KNSTRN: variants seen among roughly 807,000 people sequenced by gnomAD.
KNSTRN encodes the protein kinetochore localized astrin (SPAG5) binding protein.
Under a neutral mutation model 44.7 loss-of-function variants are expected in KNSTRN, and 38 were observed. The observed-to-expected ratio is 0.85, with a 90% CI of 0.66 to 1.11. KNSTRN has a LOEUF of 1.11. Among genes scored for constraint, KNSTRN ranks in the 50% most tolerant of loss-of-function variants. KNSTRN has a pLI of 0.00. For missense variants in KNSTRN, 406 were observed against 375.8 expected, an observed-to-expected ratio of 1.08 and a Z score of -0.66; for synonymous variants, 158 against 148.1, an observed-to-expected ratio of 1.07 and a Z score of -0.48.
chr15:40,384,347 C>G, intron 2 of KNSTRN: 1 of 403,010 alleles, frequency 2.5e-6, no homozygotes, highest in Non-Finnish European at 5.0e-6. Flanking sequence ...GCACTCCAGC[C>G]TGGGCGACAG....
intron 8 of KNSTRN, chr15:40,393,094 TG>T: frequency 3.2e-6 from 4 of 1,255,616 alleles, no homozygotes; most frequent in Non-Finnish European, 4.6e-6. Flanking sequence ...TGCTCAGAGT[TG>T]GGAATTGAGA....
intron 7 of KNSTRN, 26 bp downstream of exon 7, chr15:40,391,580 C>T (rs760517001): frequency 6.3e-7 from 1 of 1,586,882 alleles, no homozygotes; most frequent in Non-Finnish European, 8.7e-7. Flanking sequence ...TGAAAGGGCG[C>T]AAGGGCTGAG....
At position 40,391,929 on chromosome 15, in the gene KNSTRN, A is replaced by G; in HGVS notation, c.748-20A>G. On this transcript the variant is annotated intron_variant, in intron 7 of 8. Transcript: ENST00000249776. ...GGTTTTATATGAAGATTTGTTTACT[A>G]CATTGTGCTTTCCTCTTAGTTGCTG... The G allele has an allele frequency of 6.3e-7, 1 of 1,597,104 alleles. No homozygotes were observed. The highest frequency in any genetic ancestry group is 8.5e-7 in the Non-Finnish European group (1 of 1,171,084).
At chr15:40,386,247 TTAAAA>T (rs1889899249) in intron 2 of KNSTRN, 110 bp from the exon 3 acceptor site, 1 of 1,127,454 alleles carries the variant, frequency 8.9e-7, no homozygotes, top group Admixed American at 2.5e-5. Context: ...ATAATACTTT[TTAAAA>T]TAAAGTAAAA....
At chr15:40,386,188 C>T (rs1187869571) in intron 2 of KNSTRN, among the ~76,000 whole-genome samples, 174 bp from the exon 3 acceptor site, 1 of 151,956 alleles carries the variant, frequency 6.6e-6, no homozygotes, top group Admixed American at 6.6e-5. Flanking sequence ...GATCACACCA[C>T]TGTACTCCAG....
In KNSTRN at chr15:40,382,758, C is replaced by A; in HGVS notation, c.-78C>A. ...CAAGCCTACAAATTGCATCACCCTC[C>A]TCCTCTGCCCAGACCTGGGGGCTCC... On this transcript the variant is annotated 5_prime_UTR_variant, in exon 1 of 9. Transcript: ENST00000249776. 3 of 1,306,020 alleles carry A rather than the reference C, an allele frequency of 2.3e-6. No individual in the cohort carries two copies. Among genetic ancestry groups the A allele is most frequent in the Non-Finnish European group, 3.2e-6 (3 of 939,350 alleles). The allele number at this position is 1,306,020 out of a possible 1,614,324, so 80.9% of individuals were successfully genotyped here.
chr15:40,383,053 C>T lies in KNSTRN; in HGVS notation c.209+9C>T, dbSNP rs749501533. The T allele has an allele frequency of 1.2e-6, 2 of 1,609,420 alleles. No homozygotes were observed. The highest frequency in any genetic ancestry group is 1.3e-5 in the African/African-American group (1 of 75,000). On this transcript the variant is annotated intron_variant, in intron 1 of 8. Transcript: ENST00000249776. ...GACCGGCGGGCTCCTGGGTTCGGCT[C>T]TCCCGGGGCGAGGGACTGGGCTGGA...
rs756331835 is a variant in KNSTRN, at chr15:40,391,509, C to T, written c.702C>T (p.Thr234=). 1.2e-6 allele frequency: 2 copies of T among 1,613,812 alleles called. No individual in the cohort carries two copies. The highest frequency in any genetic ancestry group is 2.2e-5 in the South Asian group (2 of 91,068). Residue 234 remains threonine, a synonymous_variant, in exon 7 of 9, where the codon ACC becomes ACT. Transcript: ENST00000249776. ...ATCCATCAGCTTTAGGCAGTGAGAC[C>T]CTGGCATCACGACAAGAATCCACTA... ...KGLDPALGSE[T]LASRQESTTD...
chr15:40,383,398 G>T (rs967276067), intron 2 of KNSTRN, 76 bp downstream of exon 2: 16 of 1,163,884 alleles, frequency 1.4e-5, no homozygotes, highest in Non-Finnish European at 2.0e-5. Flanking sequence ...TCGAATGGGT[G>T]GCGCGGGCAC....
intron 8 of KNSTRN, among the ~76,000 whole-genome samples, chr15:40,392,982 G>A (rs1890026969): frequency 6.6e-6 from 1 of 150,968 alleles, no homozygotes; most frequent in Non-Finnish European, 1.5e-5. Flanking sequence ...TCTTCATTTG[G>A]ATTTTAGCAG....
intron 5 of KNSTRN, 52 bp from the exon 6 acceptor site, chr15:40,389,784 C>A (rs1293859450): frequency 1.9e-6 from 3 of 1,559,880 alleles, no homozygotes; most frequent in Admixed American, 1.7e-5. Flanking sequence ...AAAGGGCAAC[C>A]ACCCCTAGGG....
At chr15:40,383,483 T>A (rs1010322946) in intron 2 of KNSTRN, 161 bp downstream of exon 2, 4 of 600,294 alleles carry the variant, frequency 6.7e-6, no homozygotes, top group African/African-American at 1.9e-5. Flanking sequence ...ATGATGGGAG[T>A]TAAGGGAAGG....
In KNSTRN at chr15:40,393,733, A is replaced by AC; in HGVS notation, c.*137dup. 1 of 817,754 alleles carries AC rather than the reference A, an allele frequency of 1.2e-6. No individual in the cohort carries two copies. The highest frequency in any genetic ancestry group is 1.9e-6 in the Non-Finnish European group (1 of 539,700). The allele number at this position is 817,754 out of a possible 1,614,324, so 50.7% of individuals were successfully genotyped here. On this transcript the variant is annotated 3_prime_UTR_variant, in exon 9 of 9. Transcript: ENST00000249776. ...AACAATTTCTACAGTAGACTTAAGG[A>AC]CAGTTTATGCTGAAATGGCAATTCC...
Position 40,393,469 on chromosome 15 carries a change from G to A in KNSTRN, c.823G>A (p.Ala275Thr), listed in dbSNP as rs1243764094. The part of the protein sequence containing the change: ...TAKKQMEELQ[A>T]LKVKLEMKEE... ...TCTTTTGGAATGTCTTTCCATGCAG[G>A]CCTTAAAGGTAAAGCTGGAGATGAA... The change falls in exon 9 of 9, where the codon GCC (alanine) becomes ACC (threonine). Residue 275 changes from alanine to threonine, a missense_variant and splice_region_variant. By Grantham distance (58) the Ala-to-Thr change is moderately conservative. Transcript: ENST00000249776. 3 of 1,611,446 alleles carry A rather than the reference G, an allele frequency of 1.9e-6. No homozygotes were observed. The highest frequency in any genetic ancestry group is 2.2e-5 in the East Asian group (1 of 44,876).
chr15:40,382,831 A>G lies in KNSTRN; in HGVS notation c.-5A>G, dbSNP rs1327337662. ...TCTGGCCTCTGAGCGAACCTTCCGT[A>G]CAGTATGGCGGCTCCCGAAGCCCCG... On this transcript the variant is annotated 5_prime_UTR_variant, in exon 1 of 9. Coordinates refer to ENST00000249776, the MANE Select transcript of KNSTRN (RefSeq NM_033286.4). 1 of 1,610,596 alleles carries G rather than the reference A, an allele frequency of 6.2e-7. No individual in the cohort carries two copies. Among genetic ancestry groups the G allele is most frequent in the South Asian group, 1.1e-5 (1 of 90,824 alleles).
Position 40,387,206 on chromosome 15 carries a change from G to A in KNSTRN, c.485G>A (p.Gly162Asp). ...DTATRRNVRKGYKPLSKQKSE... is the reference protein window; with the variant it reads ...DTATRRNVRKDYKPLSKQKSE... ...GCCACCAGAAGGAATGTCAGAAAAG[G>A]GTGAGCATCAGGGTAAATCAACTTG... Residue 162 changes from glycine (G) to aspartate (D), a missense_variant and splice_region_variant, in exon 4 of 9, where the codon GGC (glycine) becomes GAC (aspartate). By Grantham distance (94) the Gly-to-Asp change is moderately conservative. Transcript: ENST00000249776. The A allele has an allele frequency of 6.2e-7, 1 of 1,612,076 alleles. No homozygotes were observed. Among genetic ancestry groups the A allele is most frequent in the South Asian group, 1.1e-5 (1 of 91,000 alleles).
At chr15:40,383,925 A>T (rs1889858523) in intron 2 of KNSTRN, 1 of 153,460 alleles carries the variant, frequency 6.5e-6, no homozygotes, top group Non-Finnish European at 1.5e-5. Context: ...AAGTCATCTC[A>T]TGGGGTCTGC....
intron 3 of KNSTRN, 72 bp from the exon 4 acceptor site, chr15:40,387,087 G>T: frequency 8.9e-7 from 1 of 1,128,528 alleles, no homozygotes; most frequent in Non-Finnish European, 1.3e-6. Context: ...CAAGCTCTTT[G>T]TTCTGCCTGT....
intron 2 of KNSTRN, among the ~76,000 whole-genome samples, chr15:40,385,594 G>T (rs1019077180): frequency 6.6e-6 from 1 of 152,118 alleles, no homozygotes. Context: ...CTAGGTGATG[G>T]GGACACAAAG....
Sources: gnomAD v4.1 joint callset for allele counts (sites outside exome capture counted in the v4.1 genomes callset) on GRCh38, gnomAD v4.1.1 for gene constraint, MANE v1.5 for transcripts, NCBI Gene and HGNC (gene_info 2026-07-23, HGNC 2026-07-21) for gene names.